The following UBE3C variants were observed in gnomAD, a reference collection of about 807,000 sequenced individuals.
UBE3C encodes the protein ubiquitin protein ligase E3C.
Under a neutral mutation model 129.4 loss-of-function variants are expected in UBE3C, and 42 were observed. The observed-to-expected ratio is 0.32, with a 90% confidence interval of 0.25 to 0.42. UBE3C has a LOEUF of 0.42. Ranked by LOEUF, UBE3C falls within the 10% of genes least tolerant of loss-of-function variation. The pLI, the probability that UBE3C is intolerant of heterozygous loss-of-function variation, is 1.00. For synonymous variants in UBE3C, 510 were observed against 492.4 expected, an observed-to-expected ratio of 1.04 and a Z score of -0.47; for missense variants, 1,049 against 1,319.1, an observed-to-expected ratio of 0.80 and a Z score of 3.17.
chr7:157,219,377 C>T (rs1241562357), intron 14 of UBE3C, among the ~76,000 whole-genome samples: 2 of 152,192 alleles, frequency 1.3e-5, no homozygotes, highest in African/African-American at 4.8e-5. Flanking sequence ...GTAGGTTTCA[C>T]TTCTGCAGTG....
chr7:157,157,971 T>C (rs1229368311), intron 1 of UBE3C, among the ~76,000 whole-genome samples: 11 of 107,630 alleles, frequency 1.0e-4, no homozygotes, highest in African/African-American at 5.9e-4. Context: ...CAGATATATA[T>C]AGATATATAT....
chr7:157,213,311 G>A (rs987058905), intron 13 of UBE3C, among the ~76,000 whole-genome samples: 7 of 152,214 alleles, frequency 4.6e-5, no homozygotes, highest in Non-Finnish European at 7.3e-5. Context: ...TTCTCAAGTC[G>A]TAACTACCTA....
intron 1 of UBE3C, among the ~76,000 whole-genome samples, chr7:157,141,113 G>A (rs1807435014): frequency 6.6e-6 from 1 of 152,158 alleles, no homozygotes; most frequent in African/African-American, 2.4e-5. Context: ...GTGTGGCACT[G>A]CTAACCCTGA....
chr7:157,228,068 T>G (rs1173506623), intron 17 of UBE3C, among the ~76,000 whole-genome samples: 1 of 152,230 alleles, frequency 6.6e-6, no homozygotes, highest in Admixed American at 6.5e-5. Context: ...TGACTAAAAA[T>G]TTACATATAA....
intron 18 of UBE3C, among the ~76,000 whole-genome samples, chr7:157,237,215 G>T (rs1163992279): frequency 1.3e-5 from 2 of 152,006 alleles, no homozygotes; most frequent in Non-Finnish European, 2.9e-5. Context: ...GCCGAGGTGG[G>T]CAGATCACCA....
In UBE3C at chr7:157,201,815, T is replaced by C; in HGVS notation, c.1418+8T>C. ...AACACGGATGATCACAGGGTATGTA[T>C]TATACAGACTTATAAATTGAGCTCA... On this transcript the variant is annotated splice_region_variant and intron_variant, in intron 11 of 22. Transcript: ENST00000348165. 2 of 1,596,772 alleles carry C rather than the reference T, an allele frequency of 1.3e-6. No individual in the cohort carries two copies. Among genetic ancestry groups the C allele is most frequent in the African/African-American group, 2.7e-5 (2 of 74,264 alleles).
chr7:157,141,538 A>G (rs1807449327), intron 1 of UBE3C, among the ~76,000 whole-genome samples: 1 of 152,198 alleles, frequency 6.6e-6, no homozygotes, highest in Non-Finnish European at 1.5e-5. Flanking sequence ...TCTGTGCTGA[A>G]TACTGTAGGC....
At chr7:157,244,509 C>T (rs535254853) in intron 18 of UBE3C, among the ~76,000 whole-genome samples, 2 of 152,204 alleles carry the variant, frequency 1.3e-5, no homozygotes, top group Non-Finnish European at 2.9e-5. Flanking sequence ...AAGACATCAT[C>T]TCTTATATAG....
chr7:157,174,963 C>G lies in UBE3C; in HGVS notation c.387C>G (p.Val129=). ...QNLIKHSSLF[V]KQLDGSERLT... is the part of the protein sequence containing the mutation. ...TAATTAAACACAGCTCTCTGTTTGT[C>G]AAGCAGTTGGATGGATCTGAGAGAC... The change falls in exon 5 of 23, where the codon GTC becomes GTG. Residue 129 remains valine (V), a synonymous_variant. Transcript: ENST00000348165. The G allele has an allele frequency of 1.2e-6, 2 of 1,612,916 alleles. No homozygotes were observed. Among genetic ancestry groups the G allele is most frequent in the Non-Finnish European group, 1.7e-6 (2 of 1,179,590 alleles).
At chr7:157,191,105 C>G (rs1808950842) in intron 10 of UBE3C, among the ~76,000 whole-genome samples, 1 of 152,140 alleles carries the variant, frequency 6.6e-6, no homozygotes, top group Non-Finnish European at 1.5e-5. Flanking sequence ...CATAAGACAC[C>G]TAGTTTTATT....
chr7:157,235,110 G>A (rs1246949145), intron 18 of UBE3C, among the ~76,000 whole-genome samples: 13 of 152,114 alleles, frequency 8.5e-5, no homozygotes, highest in Admixed American at 8.5e-4. Flanking sequence ...ATAATGGCTT[G>A]AACCTGGAGG....
rs1797116819 is a variant in UBE3C at position 157,267,662 on chromosome 7, C to T, written c.3159C>T (p.Asn1053=). The change falls in exon 23 of 23, where the codon AAC becomes AAT. Residue 1053 remains asparagine (N), a synonymous_variant. Coordinates refer to ENST00000348165, the MANE Select transcript of UBE3C (RefSeq NM_014671.3). ...ERLPTASTCM[N]LLKLPEFYDE... Reference sequence around the variant, plus strand: ...TCCCCACAGCCAGCACCTGCATGAACCTGCTGAAGCTCCCCGAGTTCTATG... The same window carrying T: ...TCCCCACAGCCAGCACCTGCATGAATCTGCTGAAGCTCCCCGAGTTCTATG... 6.2e-7 allele frequency: 1 copy of T among 1,613,710 alleles called. No homozygotes were observed. The highest frequency in any genetic ancestry group is 8.5e-7 in the Non-Finnish European group (1 of 1,179,938).
intron 1 of UBE3C, among the ~76,000 whole-genome samples, chr7:157,142,923 A>G (rs1003557359): frequency 5.9e-5 from 9 of 151,374 alleles, no homozygotes; most frequent in Non-Finnish European, 1.2e-4. Flanking sequence ...CTGGAGTGCA[A>G]TGGTGCGATC....
At chr7:157,229,978 G>A (rs1374447076) in intron 17 of UBE3C, among the ~76,000 whole-genome samples, 1 of 151,282 alleles carries the variant, frequency 6.6e-6, no homozygotes, top group African/African-American at 2.4e-5. Context: ...GCACGATCTT[G>A]GCTTACTGCA....
At chr7:157,172,919 T>A (rs1463470942) in intron 4 of UBE3C, among the ~76,000 whole-genome samples, 2 of 152,200 alleles carry the variant, frequency 1.3e-5, no homozygotes, top group East Asian at 3.8e-4. Context: ...CGACATGGTG[T>A]AGCTACACAG....
chr7:157,150,467 GAACT>G (rs1807726714), intron 1 of UBE3C, among the ~76,000 whole-genome samples: 1 of 152,080 alleles, frequency 6.6e-6, no homozygotes, highest in Non-Finnish European at 1.5e-5. Context: ...TTATTCTAGT[GAACT>G]AATATGCATA....
chr7:157,187,645 G>A (rs7777476), intron 10 of UBE3C, among the ~76,000 whole-genome samples: 3,469 of 151,316 alleles, frequency 0.023, 129 homozygotes, highest in African/African-American at 0.08. Context: ...GCGCGATCTC[G>A]GCTCACTGTA....
At chr7:157,197,972 A>G (rs1809169181) in intron 10 of UBE3C, 5 of 1,609,430 alleles carry the variant, frequency 3.1e-6, no homozygotes, top group Non-Finnish European at 3.4e-6. Context: ...ACCTCAATCT[A>G]GGTTTTATGT....
At chr7:157,211,979 G>A (rs545073765) in intron 13 of UBE3C, among the ~76,000 whole-genome samples, 4 of 152,256 alleles carry the variant, frequency 2.6e-5, no homozygotes, top group South Asian at 2.1e-4. Flanking sequence ...TGAGGAAAAC[G>A]GTTGTTTTCC....
Sources: allele counts gnomAD v4.1 joint callset (sites outside exome capture counted in the v4.1 genomes callset), GRCh38; gene constraint gnomAD v4.1.1; transcripts MANE v1.5; gene names NCBI Gene and HGNC (gene_info 2026-07-23, HGNC 2026-07-21).